The following PLEKHH2 variants were observed in gnomAD, a reference collection of about 807,000 sequenced individuals.
The protein encoded by PLEKHH2 is pleckstrin homology, MyTH4 and FERM domain containing H2.
Under a neutral mutation model 187.9 loss-of-function variants are expected in PLEKHH2, and 129 were observed. That is an observed-to-expected ratio of 0.69 (90% confidence interval 0.59 to 0.79). The LOEUF (loss-of-function observed/expected upper bound fraction) is 0.79, where lower values mean the gene tolerates loss of function less well. Among genes scored for constraint, PLEKHH2 ranks in the 30% least tolerant of loss-of-function variants. The pLI is 0.00. For missense variants in PLEKHH2, 2,076 were observed against 1,751.2 expected, an observed-to-expected ratio of 1.19 and a Z score of -3.31; for synonymous variants, 686 against 605.6, an observed-to-expected ratio of 1.13 and a Z score of -1.95.
At chr2:43,741,704 G>T (rs1164370747) in intron 21 of PLEKHH2, among the ~76,000 whole-genome samples, 1 of 152,056 alleles carries the variant, frequency 6.6e-6, no homozygotes, top group Non-Finnish European at 1.5e-5. Context: ...ATACATTGTG[G>T]GGCCTCTGTG....
intron 2 of PLEKHH2, among the ~76,000 whole-genome samples, chr2:43,650,006 A>G (rs1012861537): frequency 3.3e-5 from 5 of 152,164 alleles, no homozygotes; most frequent in African/African-American, 1.2e-4. Flanking sequence ...TACAGAGGGT[A>G]CTTCTGTAGC....
intron 3 of PLEKHH2, among the ~76,000 whole-genome samples, chr2:43,687,916 C>T (rs1668601445): frequency 6.6e-6 from 1 of 152,038 alleles, no homozygotes; most frequent in South Asian, 2.1e-4. Flanking sequence ...CCCACTTCGG[C>T]CTTTTGAGTA....
chr2:43,667,211 A>T (rs1421328031), intron 2 of PLEKHH2, among the ~76,000 whole-genome samples: 1 of 151,776 alleles, frequency 6.6e-6, no homozygotes, highest in Non-Finnish European at 1.5e-5. Flanking sequence ...TGTTGAAAAG[A>T]CTCTCTCCTC....
In PLEKHH2 at chr2:43,757,224, C is replaced by G. The variant is rs746867539; in HGVS notation, c.3901C>G (p.Pro1301Ala). The change falls in exon 26 of 30, where the codon CCT becomes GCT. Residue 1301 changes from proline to alanine, a missense_variant. Physicochemically the swap from Pro to Ala is conservative, Grantham distance 27. Transcript: ENST00000282406. ...AAAGCAAGTCATAGAGAAATTTTAT[C>G]CTAAAAGGTATAGAGATGGCTGTTC... is the stretch of plus-strand genomic sequence containing the variant. ...TLKQVIEKFY[P>A]KRYRDGCSEE... The G allele has an allele frequency of 6.2e-7, 1 of 1,600,886 alleles. No individual in the cohort carries two copies. The highest frequency in any genetic ancestry group is 8.5e-7 in the Non-Finnish European group (1 of 1,174,782).
intron 3 of PLEKHH2, among the ~76,000 whole-genome samples, chr2:43,689,816 C>T (rs4952996): frequency 0.15 from 23,363 of 152,186 alleles, 1,893 homozygotes; most frequent in Middle Eastern, 0.24. Context: ...TTCACTCATA[C>T]AATAACAACT....
At chr2:43,739,277 T>A (rs149157177) in intron 20 of PLEKHH2, among the ~76,000 whole-genome samples, 50 of 152,316 alleles carry the variant, frequency 3.3e-4, no homozygotes, top group African/African-American at 1.1e-3. Context: ...ATTCAGTATA[T>A]TTTAAATTCT....
Position 43,706,414 on chromosome 2 carries a change from G to A in PLEKHH2, c.1819G>A (p.Gly607Arg), listed in dbSNP as rs1436336639. Residue 607 changes from glycine to arginine, a missense_variant and splice_region_variant, in exon 10 of 30, where the codon GGG becomes AGG. Gly to Arg is a moderately radical substitution (Grantham distance 125). Transcript: ENST00000282406. Reference sequence around the variant, plus strand: ...CACCCCAGTGTATACAACTTTGAAGGGGGTAACTCATTATTGTTATTGTTA... The same window carrying A: ...CACCCCAGTGTATACAACTTTGAAGAGGGTAACTCATTATTGTTATTGTTA... The part of the protein sequence containing the change: ...MTTPVYTTLK[G>R]KATQISSSPF... 1 of 1,563,868 alleles carries A rather than the reference G, an allele frequency of 6.4e-7. No homozygotes were observed. Among genetic ancestry groups the A allele is most frequent in the Admixed American group, 1.7e-5 (1 of 58,500 alleles).
chr2:43,734,566 G>T (rs1224110411), intron 19 of PLEKHH2, among the ~76,000 whole-genome samples: 1 of 152,204 alleles, frequency 6.6e-6, no homozygotes, highest in African/African-American at 2.4e-5. Context: ...TCTCACCCCA[G>T]TTAAAATGGC....
intron 2 of PLEKHH2, among the ~76,000 whole-genome samples, chr2:43,652,328 A>G (rs925466245): frequency 6.6e-6 from 1 of 152,186 alleles, no homozygotes; most frequent in African/African-American, 2.4e-5. Context: ...CTAGGTCTTT[A>G]CAGGGCTCTG....
chr2:43,676,145 T>C lies in PLEKHH2; in HGVS notation c.124-2718T>C, dbSNP rs565454873. The C allele has an allele frequency of 1.9e-6, 3 of 1,614,008 alleles. No individual in the cohort carries two copies. In the African/African-American group the frequency reaches 4.0e-5, roughly 22 times the overall value. ...ATACTTTTACTGAGCTCCAAGAGTATCACTTTTGAAGTGTTTAAGAAATCG... is the reference window on the plus strand; with the variant it reads ...ATACTTTTACTGAGCTCCAAGAGTACCACTTTTGAAGTGTTTAAGAAATCG... On this transcript the variant is annotated intron_variant, in intron 2 of 29. Coordinates refer to ENST00000282406, the MANE Select transcript of PLEKHH2 (RefSeq NM_172069.4).
chr2:43,670,019 A>G (rs1667419878), intron 2 of PLEKHH2, among the ~76,000 whole-genome samples: 3 of 152,270 alleles, frequency 2.0e-5, no homozygotes, highest in African/African-American at 7.2e-5. Context: ...AAAATATTGC[A>G]TATTGAAATA....
chr2:43,650,672 G>A (rs2104346900), intron 2 of PLEKHH2, among the ~76,000 whole-genome samples: 1 of 147,630 alleles, frequency 6.8e-6, no homozygotes, highest in South Asian at 2.1e-4. Context: ...TTAAGTTGAA[G>A]TCTCACTCTG....
chr2:43,756,332 G>T (rs557099825), intron 25 of PLEKHH2, among the ~76,000 whole-genome samples: 1 of 151,668 alleles, frequency 6.6e-6, no homozygotes, highest in South Asian at 2.1e-4. Context: ...GTCTTGCTCT[G>T]TCACCCAGGC....
intron 15 of PLEKHH2, 21 bp downstream of exon 15, chr2:43,712,404 G>GCAAT (rs1273671849): frequency 1.4e-5 from 22 of 1,609,314 alleles, no homozygotes; most frequent in Non-Finnish European, 1.8e-5. Flanking sequence ...CCTGTGCATA[G>GCAAT]CAATGTCCCA....
chr2:43,726,601 G>A (rs1243874652), intron 17 of PLEKHH2, 150 bp downstream of exon 17: 5 of 689,260 alleles, frequency 7.3e-6, no homozygotes, highest in Admixed American at 3.3e-5. Context: ...TTACCTCCCT[G>A]GAAATGAGCC....
chr2:43,712,298 T>C lies in PLEKHH2; in HGVS notation c.2375T>C (p.Leu792Ser). The change falls in exon 15 of 30, where the codon TTA (leucine) becomes TCA (serine). Residue 792 changes from leucine (L) to serine (S), a missense_variant. Coordinates refer to ENST00000282406, the MANE Select transcript of PLEKHH2 (RefSeq NM_172069.4). ...ATATTGGAAGAGTGGATTAAAGTGT[T>C]ACAGAATGTTCTTCGAGTACAAGCT... is the stretch of plus-strand genomic sequence containing the variant. ...PNILEEWIKVLQNVLRVQAAN... is the reference protein window; with the variant it reads ...PNILEEWIKVSQNVLRVQAAN... 6.2e-7 allele frequency: 1 copy of C among 1,613,740 alleles called. No individual in the cohort carries two copies. Among genetic ancestry groups the C allele is most frequent in the Non-Finnish European group, 8.5e-7 (1 of 1,179,622 alleles).
At chr2:43,698,545 G>A (rs1223741535) in intron 7 of PLEKHH2, among the ~76,000 whole-genome samples, 4 of 152,014 alleles carry the variant, frequency 2.6e-5, no homozygotes, top group African/African-American at 7.3e-5. Context: ...CACTGCACCC[G>A]GCCTACTTGC....
chr2:43,739,490 G>T (rs1354247149), intron 20 of PLEKHH2, among the ~76,000 whole-genome samples: 1 of 152,306 alleles, frequency 6.6e-6, no homozygotes, highest in East Asian at 1.9e-4. Context: ...GTCGGGGTTG[G>T]ATCTAGGTTT....
chr2:43,645,037 T>G (rs1176999418), intron 2 of PLEKHH2, among the ~76,000 whole-genome samples: 1 of 152,140 alleles, frequency 6.6e-6, no homozygotes, highest in Non-Finnish European at 1.5e-5. Flanking sequence ...TAGAGTTCAT[T>G]CATTCCAGAG....
Sources: allele counts gnomAD v4.1 joint callset (sites outside exome capture counted in the v4.1 genomes callset), GRCh38; gene constraint gnomAD v4.1.1; transcripts MANE v1.5; gene names NCBI Gene and HGNC (gene_info 2026-07-23, HGNC 2026-07-21).